MYT1: variants seen among roughly 807,000 people sequenced by gnomAD.
MYT1 encodes the protein myelin transcription factor 1, also known as myelin transcription factor I.
Under a neutral mutation model 123.0 loss-of-function variants are expected in MYT1, and 23 were observed. That is an observed-to-expected ratio of 0.19 (90% CI 0.13 to 0.26). MYT1 has a LOEUF of 0.26. Among genes scored for constraint, MYT1 ranks in the 10% least tolerant of loss-of-function variants. The pLI is 1.00. For synonymous variants in MYT1, 518 were observed against 575.3 expected, an observed-to-expected ratio of 0.90 and a Z score of 1.43; for missense variants, 1,125 against 1,472.5, an observed-to-expected ratio of 0.76 and a Z score of 3.86.
At chr20:64,194,401 A>G (rs1187790802) in intron 2 of MYT1, among the ~76,000 whole-genome samples, 2 of 150,606 alleles carry the variant, frequency 1.3e-5, no homozygotes, top group East Asian at 3.9e-4. Flanking sequence ...TGTTTCTTGA[A>G]CTCTCCCCTG....
intron 1 of MYT1, among the ~76,000 whole-genome samples, chr20:64,180,340 G>C (rs1322901707): frequency 1.3e-5 from 2 of 152,160 alleles, no homozygotes; most frequent in Non-Finnish European, 2.9e-5. Context: ...TCCCACACAG[G>C]GTTCATTCTA....
At chr20:64,183,843 C>T (rs117437937) in intron 1 of MYT1, among the ~76,000 whole-genome samples, 8,392 of 152,182 alleles carry the variant, frequency 0.055, 263 homozygotes, top group African/African-American at 0.076. Flanking sequence ...ATTTTTGAGA[C>T]AGAGTCTTGC....
At chr20:64,173,622 C>G (rs1982361775) in intron 1 of MYT1, among the ~76,000 whole-genome samples, 3 of 151,060 alleles carry the variant, frequency 2.0e-5, no homozygotes, top group Non-Finnish European at 4.4e-5. Flanking sequence ...CCCTCCCTGA[C>G]TTCTCCTCCT....
At chr20:64,205,134 C>CTCCAAATCTACCGCCCA in intron 5 of MYT1, 37 bp downstream of exon 5, 1 of 1,608,528 alleles carries the variant, frequency 6.2e-7, no homozygotes, top group Non-Finnish European at 8.5e-7. Context: ...GATTCCTGGG[C>CTCCAAATCTACCGCCCA]GGTAGATTTG....
chr20:64,235,595 T>C (rs1211469615), intron 19 of MYT1, among the ~76,000 whole-genome samples: 12 of 137,568 alleles, frequency 8.7e-5, no homozygotes, highest in Non-Finnish European at 1.6e-4. Flanking sequence ...GGGCTGGCCA[T>C]GGTGGGTGAC....
chr20:64,172,175 C>T (rs1035106359), intron 1 of MYT1, among the ~76,000 whole-genome samples: 17 of 152,288 alleles, frequency 1.1e-4, no homozygotes, highest in East Asian at 9.7e-4. Context: ...CACATCCCCC[C>T]GCCCCCCACA....
intron 11 of MYT1, 142 bp downstream of exon 11, chr20:64,217,423 C>A: frequency 2.2e-6 from 2 of 903,024 alleles, no homozygotes; most frequent in Non-Finnish European, 1.7e-6. Context: ...ACGATGCAGG[C>A]TGGAGGTCTC....
intron 1 of MYT1, among the ~76,000 whole-genome samples, chr20:64,176,370 C>T (rs1261637356): frequency 2.7e-5 from 4 of 148,080 alleles, no homozygotes; most frequent in African/African-American, 1.0e-4. Context: ...GTGTCCATTT[C>T]CCCTCCCTGG....
chr20:64,240,362 C>G lies in MYT1; in HGVS notation c.3280C>G (p.Leu1094Val). The G allele has an allele frequency of 6.2e-7, 1 of 1,614,076 alleles. No individual in the cohort carries two copies. ...GAATTTCGATGCCTATGTGAGCACC[C>G]TCACCGACATGTACTCCAACCAGGA... ...EQNFDAYVST[L>V]TDMYSNQDPE... The change falls in exon 23 of 23, where the codon CTC becomes GTC. Residue 1094 changes from leucine to valine, a missense_variant. Physicochemically the swap from Leu to Val is conservative, Grantham distance 32 (BLOSUM62 1). This residue lies in a region of MYT1 where 243 missense variants were observed against 323.1 expected (regional missense o/e 0.75). Transcript: ENST00000328439.
intron 16 of MYT1, among the ~76,000 whole-genome samples, chr20:64,226,342 T>C (rs1984168722): frequency 6.6e-6 from 1 of 152,272 alleles, no homozygotes; most frequent in Admixed American, 6.5e-5. Context: ...TGTGCCCGGC[T>C]TCATCTTCCT....
chr20:64,190,533 G>A lies in MYT1; in HGVS notation c.-1+373G>A, dbSNP rs565796412. Reference sequence around the variant, plus strand: ...TACTAAAAACACAAAAATTAGCCGGGCATGGTGGCATGCGCCTGTAATCCC... The same window carrying A: ...TACTAAAAACACAAAAATTAGCCGGACATGGTGGCATGCGCCTGTAATCCC... On this transcript the variant is annotated intron_variant, in intron 2 of 22. Transcript: ENST00000328439. This position sits in a 1 kb window ranked among gnomAD's most constrained non-coding sequence, Gnocchi z 4.1. 4.7e-5 allele frequency among the ~76,000 whole-genome samples: 7 copies of A among 148,698 alleles called. No individual in the cohort carries two copies. In the South Asian group the frequency reaches 1.5e-3, roughly 32 times the overall value.
chr20:64,176,956 G>T (rs1423498668), intron 1 of MYT1, among the ~76,000 whole-genome samples: 4 of 152,210 alleles, frequency 2.6e-5, no homozygotes, highest in Non-Finnish European at 4.4e-5. Flanking sequence ...CGTTGGTAAG[G>T]TTAAAAGAAA....
At position 64,232,476 on chromosome 20, in the gene MYT1, C is replaced by A; in HGVS notation, c.2897+91C>A. 7.6e-7 allele frequency: 1 copy of A among 1,314,798 alleles called. No homozygotes were observed. The highest frequency in any genetic ancestry group is 1.9e-5 in the Admixed American group (1 of 53,106). 81.4% of individuals were successfully genotyped at this position (1,314,798 alleles called of 1,614,324 possible). Reference sequence around the variant, plus strand: ...CTGAAGCTCCTGAGGGAGGGCCAGACCAGGGCTCCGTGTGACCAGAGTTGC... The same window carrying A: ...CTGAAGCTCCTGAGGGAGGGCCAGAACAGGGCTCCGTGTGACCAGAGTTGC... On this transcript the variant is annotated intron_variant, in intron 19 of 22. Transcript: ENST00000328439. The surrounding 1 kb of genome is among the most constrained non-coding windows in gnomAD (Gnocchi z 6.9).
Position 64,183,433 on chromosome 20 carries a change from T to C in MYT1, c.-98-6630T>C, listed in dbSNP as rs79315923. Among the ~76,000 whole-genome samples, 724 of 152,362 alleles carry C rather than the reference T, an allele frequency of 4.8e-3. 4 individuals carry two copies. The highest frequency in any genetic ancestry group is 0.017 in the African/African-American group (689 of 41,580). On this transcript the variant is annotated intron_variant, in intron 1 of 22. Coordinates refer to ENST00000328439, the MANE Select transcript of MYT1 (RefSeq NM_004535.3). ...AGTCATGTAACTCTATGTTGAACAT[T>C]TTGAGTAACTGCCATGCCATTTTCC...
intron 19 of MYT1, among the ~76,000 whole-genome samples, chr20:64,234,258 C>G (rs868303325): frequency 2.6e-5 from 4 of 152,146 alleles, no homozygotes; most frequent in African/African-American, 4.8e-5. Flanking sequence ...TCATTATCAC[C>G]ACAGCCTAGA....
rs1023480310 is a variant in MYT1, at chr20:64,219,792, C to CCAGCAGCAGCAGCTG, written c.2062_2076dup (p.Ser688_Ser692dup). 10 of 1,613,946 alleles carry CCAGCAGCAGCAGCTG rather than the reference C, an allele frequency of 6.2e-6. No homozygotes were observed. The highest frequency in any genetic ancestry group is 2.7e-5 in the African/African-American group (2 of 74,926). On this transcript the variant is annotated inframe_insertion, in exon 13 of 23. Transcript: ENST00000328439. ...CACCGCAAACGAGAAAATGCTTTCC[C>CCAGCAGCAGCAGCTG]CAGCAGCAGCAGCTGCAGCAGCAGC...
At position 64,208,211 on chromosome 20, in the gene MYT1, G is replaced by C. The variant is rs1456318138; in HGVS notation, c.1015G>C (p.Glu339Gln). ...CCCAGAATCACCCAGTCCCAAGCCT[G>C]AGTACTCTGTTATTGTGGAGGTCCG... ...RGPESPSPKP[E>Q]YSVIVEVRSD... The change falls in exon 7 of 23, where the codon GAG (glutamate) becomes CAG (glutamine). Residue 339 changes from glutamate (E) to glutamine (Q), a missense_variant. By Grantham distance (29) the Glu-to-Gln change is conservative. Around this residue, in one of 4 missense-constraint regions of MYT1, gnomAD observed 406 missense variants for 432.2 expected, o/e 0.94. Transcript: ENST00000328439. This position sits in a 1 kb window ranked among gnomAD's most constrained non-coding sequence, Gnocchi z 5.4. 3 of 1,613,940 alleles carry C rather than the reference G, an allele frequency of 1.9e-6. No individual in the cohort carries two copies. In the African/African-American group the frequency reaches 4.0e-5, roughly 22 times the overall value.
At chr20:64,187,514 G>C (rs987105067) in intron 1 of MYT1, among the ~76,000 whole-genome samples, 4 of 152,260 alleles carry the variant, frequency 2.6e-5, no homozygotes, top group African/African-American at 9.6e-5. Flanking sequence ...TTTCCGTGGA[G>C]AGTTTTCCTG....
At chr20:64,201,528 A>G (rs1253239897) in intron 4 of MYT1, among the ~76,000 whole-genome samples, 5 of 152,230 alleles carry the variant, frequency 3.3e-5, no homozygotes, top group Non-Finnish European at 4.4e-5. Context: ...AATCAAATAC[A>G]TTCTGCACGG....
Sources: allele counts gnomAD v4.1 joint callset (sites outside exome capture counted in the v4.1 genomes callset), GRCh38; gene constraint gnomAD v4.1.1; regional missense constraint gnomAD v4.1.1; non-coding constraint Gnocchi (gnomAD v3.1); transcripts MANE v1.5; gene names NCBI Gene and HGNC (gene_info 2026-07-23, HGNC 2026-07-21).